The following MED27 variants were observed in gnomAD, a reference collection of about 807,000 sequenced individuals.
MED27 encodes mediator complex subunit 27.
MED27 carries 30 observed loss-of-function variants against 38.2 expected under a neutral mutation model. The ratio of observed to expected loss-of-function variants is 0.79; its 90% confidence interval spans 0.59 to 1.07. MED27 has a LOEUF of 1.07. MED27 is among the 50% of genes least tolerant of loss of function. The pLI, the probability that MED27 is intolerant of heterozygous loss-of-function variation, is 0.00. For synonymous variants in MED27, 122 were observed against 153.5 expected (o/e 0.79, Z 1.52); for missense variants, 289 against 397.5 (o/e 0.73, Z 2.32).
At chr9:132,010,097 T>G (rs1832450190) in intron 3 of MED27, among the ~76,000 whole-genome samples, 1 of 152,236 alleles carries the variant, frequency 6.6e-6, no homozygotes, top group African/African-American at 2.4e-5. Flanking sequence ...AATTTTGGCT[T>G]TGTTGCCATT....
At chr9:132,000,177 T>C (rs752807086) in intron 3 of MED27, among the ~76,000 whole-genome samples, 2 of 151,208 alleles carry the variant, frequency 1.3e-5, no homozygotes, top group African/African-American at 2.4e-5. Flanking sequence ...AGAATTTCCC[T>C]TCATGGAAAA....
Position 131,865,635 on chromosome 9 carries a change from G to T in MED27, c.724-2495C>A, listed in dbSNP as rs535462251. On this transcript the variant is annotated intron_variant, in intron 6 of 7. Coordinates refer to ENST00000292035, the MANE Select transcript of MED27 (RefSeq NM_004269.4). ...TTGTTTGCTCCGGCCCTGCTGTTCC[G>T]TAGCTCCGTGTGTGACACCTTCCCT... Among the ~76,000 whole-genome samples, 3 of 152,254 alleles carry T rather than the reference G, an allele frequency of 2.0e-5. No homozygotes were observed. In the South Asian group the frequency reaches 6.2e-4, roughly 32 times the overall value.
intron 3 of MED27, among the ~76,000 whole-genome samples, chr9:131,979,483 C>CA (rs36197993): frequency 4.6e-4 from 59 of 127,712 alleles, no homozygotes; most frequent in African/African-American, 1.1e-3. Flanking sequence ...AAAGCTGTTC[C>CA]AAAAAAAAAA....
At chr9:132,030,581 CT>C (rs914113730) in intron 2 of MED27, among the ~76,000 whole-genome samples, 32 of 152,302 alleles carry the variant, frequency 2.1e-4, no homozygotes, top group African/African-American at 7.7e-4. Context: ...CGTTATTACT[CT>C]ATTTCAAAGC....
intron 3 of MED27, among the ~76,000 whole-genome samples, chr9:132,012,475 T>C (rs180826406): frequency 6.6e-6 from 1 of 152,226 alleles, no homozygotes; most frequent in East Asian, 1.9e-4. Flanking sequence ...CCTCCTATCC[T>C]GGAAGCAAGT....
chr9:131,957,658 G>A (rs1377200060), intron 3 of MED27, among the ~76,000 whole-genome samples: 1 of 152,136 alleles, frequency 6.6e-6, no homozygotes, highest in East Asian at 1.9e-4. Context: ...TCCATACAAT[G>A]AAATACTACT....
rs141247972 is a variant in MED27 at position 131,917,734 on chromosome 9, A to G, written c.573+21647T>C. 2.8e-4 allele frequency among the ~76,000 whole-genome samples: 42 copies of G among 152,310 alleles called. No homozygotes were observed. The East Asian group carries it at 7.5e-3, about 27-fold the overall frequency. The stretch of plus-strand genomic sequence containing the variant: ...ATAAGCATTTGTTACAAGAATGGAG[A>G]TAAGTATTGGAACAGAAAAATGTTA... On this transcript the variant is annotated intron_variant, in intron 4 of 7. Coordinates refer to ENST00000292035, the MANE Select transcript of MED27 (RefSeq NM_004269.4). The surrounding 1 kb of genome is among the most constrained non-coding windows in gnomAD (Gnocchi z 4.6).
chr9:131,918,601 G>A (rs187667805), intron 4 of MED27, among the ~76,000 whole-genome samples: 29 of 152,128 alleles, frequency 1.9e-4, no homozygotes, highest in Non-Finnish European at 4.1e-4. Flanking sequence ...GCATGACTTA[G>A]CTGTCAGAAA....
chr9:131,900,269 C>T (rs767443944), intron 4 of MED27, among the ~76,000 whole-genome samples: 8 of 152,342 alleles, frequency 5.3e-5, no homozygotes, highest in South Asian at 2.1e-4. Context: ...GAGCGGGGGC[C>T]GAAACCAGTG....
At chr9:131,979,053 GT>G (rs774093622) in intron 3 of MED27, among the ~76,000 whole-genome samples, 5 of 152,142 alleles carry the variant, frequency 3.3e-5, no homozygotes, top group Non-Finnish European at 5.9e-5. Flanking sequence ...CAACTACCTG[GT>G]GACAATTTGG....
chr9:132,036,847 A>G (rs550229388), intron 2 of MED27, among the ~76,000 whole-genome samples: 1 of 152,282 alleles, frequency 6.6e-6, no homozygotes, highest in South Asian at 2.1e-4. Flanking sequence ...ACTAAAAATG[A>G]ATGACCTTTG....
chr9:131,985,380 T>C (rs1831826950), intron 3 of MED27, among the ~76,000 whole-genome samples: 1 of 152,262 alleles, frequency 6.6e-6, no homozygotes, highest in South Asian at 2.1e-4. Context: ...CTATGTGCTT[T>C]GTGAATATTT....
intron 6 of MED27, chr9:131,868,572 G>C (rs1459453757): frequency 7.1e-6 from 7 of 984,278 alleles, no homozygotes; most frequent in East Asian, 2.3e-4. Context: ...CACTGCGCCC[G>C]GCCCACTATT....
At chr9:132,029,376 G>C (rs1236902483) in intron 2 of MED27, among the ~76,000 whole-genome samples, 1 of 152,178 alleles carries the variant, frequency 6.6e-6, no homozygotes, top group African/African-American at 2.4e-5. Context: ...AAAAAGTAAA[G>C]ATTGGCAACA....
chr9:132,040,181 C>T (rs1023213958), intron 2 of MED27, among the ~76,000 whole-genome samples: 4 of 152,198 alleles, frequency 2.6e-5, no homozygotes, highest in Admixed American at 6.5e-5. Flanking sequence ...CATCAGTCCC[C>T]GCATATGGGC....
intron 3 of MED27, among the ~76,000 whole-genome samples, chr9:132,013,456 C>T (rs943500460): frequency 9.9e-5 from 15 of 152,134 alleles, no homozygotes; most frequent in South Asian, 4.1e-4. Context: ...AGGAGGAACC[C>T]TTATGGGATT....
chr9:131,945,858 C>T (rs1830877273), intron 3 of MED27, among the ~76,000 whole-genome samples: 1 of 146,664 alleles, frequency 6.8e-6, no homozygotes, highest in South Asian at 2.2e-4. Context: ...GTCCCAGCTA[C>T]TTGGGAAGCT....
intron 2 of MED27, among the ~76,000 whole-genome samples, chr9:132,053,265 A>G (rs113633705): frequency 1.3e-5 from 2 of 151,934 alleles, no homozygotes; most frequent in African/African-American, 2.4e-5. Flanking sequence ...AAAAAAAAAA[A>G]AAAAGAAAAA....
chr9:132,014,483 A>C lies in MED27; in HGVS notation c.349-16T>G, dbSNP rs761836410. ...GGTACTGCAACTGCAGAGAAAAACA[A>C]AACAAAAGGGGAAGAAAAATAGCAT... On this transcript the variant is annotated splice_polypyrimidine_tract_variant and intron_variant, in intron 2 of 7. Transcript: ENST00000292035. 4.4e-6 allele frequency: 7 copies of C among 1,609,098 alleles called. No individual in the cohort carries two copies. The highest frequency in any genetic ancestry group is 5.1e-6 in the Non-Finnish European group (6 of 1,177,874).
Sources: allele counts gnomAD v4.1 joint callset (sites outside exome capture counted in the v4.1 genomes callset), GRCh38; gene constraint gnomAD v4.1.1; non-coding constraint Gnocchi (gnomAD v3.1); transcripts MANE v1.5; gene names NCBI Gene and HGNC (gene_info 2026-07-23, HGNC 2026-07-21).